The following GLI2 variants were observed in gnomAD, a reference collection of about 807,000 sequenced individuals.
GLI2 encodes the protein GLI family zinc finger 2, also known as transcription activator GLI2.
A neutral mutation model predicts 78.9 loss-of-function variants in GLI2; 22 were observed. The observed-to-expected ratio is 0.28, with a 90% CI of 0.20 to 0.40. GLI2 has a LOEUF of 0.40. Among genes scored for constraint, GLI2 ranks in the 10% least tolerant of loss-of-function variants. The pLI is 1.00. For missense variants in GLI2, 2,097 were observed against 2,213.2 expected (o/e 0.95, Z 1.05); for synonymous variants, 974 against 963.7 (o/e 1.01, Z -0.20).
intron 2 of GLI2, among the ~76,000 whole-genome samples, chr2:120,848,054 C>T (rs1351967757): frequency 2.0e-5 from 3 of 152,224 alleles, no homozygotes; most frequent in African/African-American, 7.2e-5. Flanking sequence ...CCCTCAGAAG[C>T]TGTGGGAAGA....
intron 2 of GLI2, among the ~76,000 whole-genome samples, chr2:120,817,622 C>T (rs1318971259): frequency 6.6e-6 from 1 of 152,208 alleles, no homozygotes; most frequent in Non-Finnish European, 1.5e-5. Context: ...TCTCTTGTCA[C>T]TGGAAACTCA....
intron 2 of GLI2, among the ~76,000 whole-genome samples, chr2:120,852,489 A>G (rs776064690): frequency 6.6e-5 from 10 of 152,148 alleles, no homozygotes; most frequent in Non-Finnish European, 2.9e-5. Flanking sequence ...GTCCGTGCCA[A>G]TGAAGTCGAG....
chr2:120,762,130 C>T (rs766375973), intron 1 of GLI2, among the ~76,000 whole-genome samples: 37 of 152,112 alleles, frequency 2.4e-4, no homozygotes, highest in Non-Finnish European at 4.0e-4. Flanking sequence ...ATAATGAGAC[C>T]GAGTAGCCCA....
intron 11 of GLI2, 62 bp from the exon 12 acceptor site, chr2:120,984,409 G>C (rs1019014749): frequency 6.5e-7 from 1 of 1,548,700 alleles, no homozygotes. Flanking sequence ...AACAGGGAGA[G>C]CGCCCCTTCA....
At chr2:120,793,151 C>A (rs564892503) in intron 1 of GLI2, among the ~76,000 whole-genome samples, 22 of 152,232 alleles carry the variant, frequency 1.4e-4, no homozygotes, top group Non-Finnish European at 2.5e-4. Context: ...GGGCAGGTGA[C>A]CTGGGTGAAC....
At chr2:120,779,843 G>A (rs1683785596) in intron 1 of GLI2, among the ~76,000 whole-genome samples, 1 of 152,222 alleles carries the variant, frequency 6.6e-6, no homozygotes, top group Admixed American at 6.5e-5. Flanking sequence ...GGCAGCCTCG[G>A]GCTCTGTTCT....
chr2:120,882,522 G>T (rs1485389657), intron 2 of GLI2, among the ~76,000 whole-genome samples: 4 of 152,260 alleles, frequency 2.6e-5, no homozygotes, highest in African/African-American at 9.6e-5. Context: ...GGTCAAGCTT[G>T]GGAGAGGGCG....
chr2:120,919,390 C>T (rs563086539), intron 2 of GLI2, among the ~76,000 whole-genome samples: 282 of 152,340 alleles, frequency 1.9e-3, no homozygotes, highest in African/African-American at 6.5e-3. Flanking sequence ...CCACTCCTCA[C>T]GTAAGAGTGC....
intron 2 of GLI2, among the ~76,000 whole-genome samples, chr2:120,874,351 A>G (rs1395441750): frequency 3.9e-5 from 6 of 152,220 alleles, no homozygotes; most frequent in Non-Finnish European, 8.8e-5. Context: ...AAAAAGTTAT[A>G]CTAATAATCA....
At position 120,982,839 on chromosome 2, in the gene GLI2, TCGGACCGCG is replaced by T; in HGVS notation, c.1593_1601del (p.Asp532_Ala534del). 1.2e-6 allele frequency: 2 copies of T among 1,614,064 alleles called. No homozygotes were observed. Among genetic ancestry groups the T allele is most frequent in the Non-Finnish European group, 1.7e-6 (2 of 1,179,960 alleles). Reference sequence around the variant, plus strand: ...CTGCAACAAAGCCTTCTCCAACGCCTCGGACCGCGCCAAGCACCAGAATCGCACCCACTC... The same window carrying T: ...CTGCAACAAAGCCTTCTCCAACGCCTCCAAGCACCAGAATCGCACCCACTC... On this transcript the variant is annotated inframe_deletion, in exon 11 of 14. Coordinates refer to ENST00000361492, the MANE Select transcript of GLI2 (RefSeq NM_001374353.1).
chr2:120,951,109 G>A, intron 3 of GLI2, 134 bp from the exon 4 acceptor site: 1 of 732,246 alleles, frequency 1.4e-6, no homozygotes. Flanking sequence ...GAATGTCGGT[G>A]TAGCAAATAA....
intron 2 of GLI2, among the ~76,000 whole-genome samples, chr2:120,880,400 G>A (rs1677059316): frequency 6.6e-6 from 1 of 152,048 alleles, no homozygotes; most frequent in Admixed American, 6.6e-5. Context: ...CTTCCCCACC[G>A]AAGTCCAGCC....
intron 2 of GLI2, among the ~76,000 whole-genome samples, chr2:120,877,801 T>C (rs756292073): frequency 6.6e-6 from 1 of 152,192 alleles, no homozygotes; most frequent in South Asian, 2.1e-4. Context: ...TTGTTTCCAA[T>C]TTGGGGCTAT....
At chr2:120,836,898 A>G (rs1479875316) in intron 2 of GLI2, among the ~76,000 whole-genome samples, 3 of 152,232 alleles carry the variant, frequency 2.0e-5, no homozygotes. Flanking sequence ...CTCACTTTTC[A>G]TGAAATGGTT....
chr2:120,969,142 A>G (rs893825424), intron 6 of GLI2, among the ~76,000 whole-genome samples: 3 of 152,270 alleles, frequency 2.0e-5, no homozygotes, highest in African/African-American at 2.4e-5. Context: ...CCTGTCATGA[A>G]TGACTCAAAT....
At chr2:120,970,686 AG>A in intron 7 of GLI2, 80 bp downstream of exon 7, 1 of 1,221,728 alleles carries the variant, frequency 8.2e-7, no homozygotes, top group South Asian at 1.2e-5. Context: ...GCTCATGCTA[AG>A]AACTTGTGGA....
intron 2 of GLI2, among the ~76,000 whole-genome samples, chr2:120,926,988 C>T (rs1007227882): frequency 6.6e-6 from 1 of 152,222 alleles, no homozygotes; most frequent in East Asian, 1.9e-4. Flanking sequence ...CTGCTGGAGC[C>T]ACACGCAGCC....
rs529286694 is a variant in GLI2 at position 120,960,042 on chromosome 2, C to T, written c.643+4612C>T. On this transcript the variant is annotated intron_variant, in intron 5 of 13. Transcript: ENST00000361492. ...GAACAGGCCTTCTCTCTCTGCCTTT[C>T]TCTGTCGTTGTGTCTCATGCACACA... Among the ~76,000 whole-genome samples the T allele has an allele frequency of 6.6e-5, 10 of 152,338 alleles. No homozygotes were observed. In the East Asian group the frequency reaches 1.7e-3, roughly 26 times the overall value.
chr2:120,881,695 CGG>C (rs1677144817), intron 2 of GLI2, among the ~76,000 whole-genome samples: 1 of 19,988 alleles, frequency 5.0e-5, no homozygotes, highest in Non-Finnish European at 9.5e-5. Context: ...GGAGGATAGT[CGG>C]GAGGACAGTG....
Sources: gnomAD v4.1 joint callset for allele counts (sites outside exome capture counted in the v4.1 genomes callset) on GRCh38, gnomAD v4.1.1 for gene constraint, MANE v1.5 for transcripts, NCBI Gene and HGNC (gene_info 2026-07-23, HGNC 2026-07-21) for gene names.